SLC12A2: variants seen among roughly 807,000 people sequenced by gnomAD.
SLC12A2 encodes the protein Na-K-2Cl cotransporter 1.
In SLC12A2, 67 loss-of-function variants were observed where a neutral mutation model predicts 136.3. The observed-to-expected ratio is 0.49, with a 90% CI of 0.40 to 0.60. The LOEUF is 0.60. Among genes scored for constraint, SLC12A2 ranks in the 20% least tolerant of loss-of-function variants. The pLI, the probability that SLC12A2 is intolerant of heterozygous loss-of-function variation, is 0.00. For synonymous variants in SLC12A2, 619 were observed against 562.9 expected, an observed-to-expected ratio of 1.10 and a Z score of -1.41; for missense variants, 1,322 against 1,534.7, an observed-to-expected ratio of 0.86 and a Z score of 2.32.
intron 4 of SLC12A2, among the ~76,000 whole-genome samples, chr5:128,125,052 C>G (rs1761735453): frequency 6.6e-6 from 1 of 152,312 alleles, no homozygotes; most frequent in African/African-American, 2.4e-5. Flanking sequence ...TACATCACAA[C>G]ATCACAGCAA....
intron 1 of SLC12A2, among the ~76,000 whole-genome samples, chr5:128,089,182 AAAAAG>A (rs1343993438): frequency 4.0e-5 from 6 of 151,802 alleles, no homozygotes; most frequent in Non-Finnish European, 7.4e-5. Context: ...AAAAAAAAAA[AAAAAG>A]AAAGAAACAC....
At chr5:128,147,430 G>A (rs1253381291) in intron 10 of SLC12A2, among the ~76,000 whole-genome samples, 192 bp from the exon 11 acceptor site, 1 of 151,566 alleles carries the variant, frequency 6.6e-6, no homozygotes. Context: ...GAATGAAAAG[G>A]TTTTCTTAAG....
intron 1 of SLC12A2, among the ~76,000 whole-genome samples, chr5:128,086,596 TCA>T (rs1248990569): frequency 5.9e-5 from 9 of 152,222 alleles, no homozygotes; most frequent in Non-Finnish European, 1.3e-4. Context: ...AATATTATGT[TCA>T]GTTTCATTTA....
At chr5:128,116,361 A>T (rs1439807508) in intron 4 of SLC12A2, among the ~76,000 whole-genome samples, 5 of 148,098 alleles carry the variant, frequency 3.4e-5, no homozygotes, top group Non-Finnish European at 7.4e-5. Context: ...TTTGTAGTTT[A>T]CATATATATA....
At chr5:128,140,021 C>T (rs751838639) in intron 9 of SLC12A2, among the ~76,000 whole-genome samples, 46 of 152,072 alleles carry the variant, frequency 3.0e-4, no homozygotes, top group African/African-American at 1.0e-3. Flanking sequence ...TTTTTTGAGA[C>T]GGAGTCTCAC....
chr5:128,128,065 T>C (rs952466290), intron 4 of SLC12A2, among the ~76,000 whole-genome samples: 1 of 152,198 alleles, frequency 6.6e-6, no homozygotes, highest in Admixed American at 6.5e-5. Flanking sequence ...CAAAATACTT[T>C]CTAATTTCGC....
At chr5:128,184,666 G>A (rs886254321) in intron 25 of SLC12A2, 123 bp from the exon 26 acceptor site, 13 of 1,492,338 alleles carry the variant, frequency 8.7e-6, no homozygotes, top group Non-Finnish European at 1.0e-5. Context: ...TAAAAATAGA[G>A]AACAGATATT....
chr5:128,100,688 T>G (rs561397521), intron 1 of SLC12A2, among the ~76,000 whole-genome samples: 1 of 152,276 alleles, frequency 6.6e-6, no homozygotes, highest in Non-Finnish European at 1.5e-5. Flanking sequence ...TTCCAGTGTT[T>G]TACCCATTTA....
intron 21 of SLC12A2, among the ~76,000 whole-genome samples, chr5:128,178,190 A>G (rs1763592289): frequency 6.6e-6 from 1 of 152,210 alleles, no homozygotes; most frequent in Non-Finnish European, 1.5e-5. Flanking sequence ...AAATAGTTTC[A>G]CAGAACAGGT....
intron 17 of SLC12A2, among the ~76,000 whole-genome samples, chr5:128,165,806 TTCTGTG>T (rs1215988215): frequency 6.6e-6 from 1 of 152,018 alleles, no homozygotes; most frequent in Non-Finnish European, 1.5e-5. Flanking sequence ...TGTAACAAAT[TTCTGTG>T]AGTGACCCTG....
chr5:128,101,377 GTAT>G (rs1246474354), intron 1 of SLC12A2, among the ~76,000 whole-genome samples: 1 of 152,110 alleles, frequency 6.6e-6, no homozygotes, highest in Non-Finnish European at 1.5e-5. Flanking sequence ...ACTTACCTTA[GTAT>G]TAAGCAGATG....
chr5:128,144,023 T>A (rs1762451133), intron 10 of SLC12A2, among the ~76,000 whole-genome samples: 1 of 151,898 alleles, frequency 6.6e-6, no homozygotes, highest in Non-Finnish European at 1.5e-5. Flanking sequence ...TGTTTTCTAG[T>A]CATAAGACTA....
chr5:128,129,777 C>T (rs1761947309), intron 4 of SLC12A2, among the ~76,000 whole-genome samples: 1 of 152,034 alleles, frequency 6.6e-6, no homozygotes, highest in African/African-American at 2.4e-5. Flanking sequence ...TATGTAACTT[C>T]AGTAGTATTA....
chr5:128,133,841 T>C (rs1241382166), intron 5 of SLC12A2, among the ~76,000 whole-genome samples: 1 of 152,098 alleles, frequency 6.6e-6, no homozygotes, highest in East Asian at 1.9e-4. Context: ...ATATTTCTGC[T>C]ATATAACTTA....
chr5:128,105,844 T>C (rs1038275174), intron 1 of SLC12A2, among the ~76,000 whole-genome samples: 2 of 152,190 alleles, frequency 1.3e-5, no homozygotes, highest in African/African-American at 2.4e-5. Flanking sequence ...TTTTCATCTG[T>C]TTGCATAGCT....
chr5:128,087,479 A>C (rs1760143794), intron 1 of SLC12A2, among the ~76,000 whole-genome samples: 1 of 152,248 alleles, frequency 6.6e-6, no homozygotes, highest in South Asian at 2.1e-4. Context: ...TTTTTTGAGA[A>C]GTATGACATT....
At chr5:128,176,137 A>C (rs990077271) in intron 20 of SLC12A2, among the ~76,000 whole-genome samples, 1 of 152,078 alleles carries the variant, frequency 6.6e-6, no homozygotes, top group Admixed American at 6.5e-5. Context: ...ATTGAAGCAT[A>C]CATCATGCAA....
chr5:128,108,800 T>C (rs1761037338), intron 1 of SLC12A2, among the ~76,000 whole-genome samples: 1 of 152,220 alleles, frequency 6.6e-6, no homozygotes, highest in South Asian at 2.1e-4. Flanking sequence ...TATATCTCAA[T>C]ATAGCTTAAT....
chr5:128,154,865 CAGTT>C (rs1294744179), intron 15 of SLC12A2, among the ~76,000 whole-genome samples: 2 of 152,218 alleles, frequency 1.3e-5, no homozygotes, highest in Middle Eastern at 3.4e-3. Flanking sequence ...TACAGTTTCA[CAGTT>C]AGAAGATTCA....
Sources: gnomAD v4.1 joint callset for allele counts (sites outside exome capture counted in the v4.1 genomes callset) on GRCh38, gnomAD v4.1.1 for gene constraint, MANE v1.5 for transcripts, NCBI Gene and HGNC (gene_info 2026-07-23, HGNC 2026-07-21) for gene names.